CDK14: variants seen among roughly 807,000 people sequenced by gnomAD.
CDK14 encodes cyclin-dependent kinase 14.
In CDK14, 34 loss-of-function variants were observed where a neutral mutation model predicts 60.7. The observed-to-expected ratio is 0.56, with a 90% CI of 0.43 to 0.75. CDK14 has a LOEUF of 0.75. CDK14 is among the 30% of genes least tolerant of loss of function. The pLI is 0.00. For synonymous variants in CDK14, 197 were observed against 203.7 expected (o/e 0.97, Z 0.28); for missense variants, 482 against 564.1 (o/e 0.85, Z 1.47).
intron 14 of CDK14, among the ~76,000 whole-genome samples, chr7:91,119,230 C>T (rs1799709870): frequency 6.6e-6 from 1 of 152,094 alleles, no homozygotes; most frequent in Admixed American, 6.5e-5. Context: ...CCTGTAATCC[C>T]AGCACTTTGG....
chr7:90,940,040 T>C (rs922045422), intron 8 of CDK14, among the ~76,000 whole-genome samples: 6 of 152,192 alleles, frequency 3.9e-5, no homozygotes, highest in Non-Finnish European at 8.8e-5. Flanking sequence ...TGCCCAGGGC[T>C]GTGTGAGGAC....
intron 5 of CDK14, among the ~76,000 whole-genome samples, chr7:90,845,566 A>G (rs1790441037): frequency 6.6e-6 from 1 of 151,812 alleles, no homozygotes; most frequent in Non-Finnish European, 1.5e-5. Flanking sequence ...GTTTACATGT[A>G]TGGCATATAG....
intron 10 of CDK14, among the ~76,000 whole-genome samples, chr7:91,041,156 C>T (rs771202824): frequency 5.4e-5 from 8 of 147,302 alleles, no homozygotes; most frequent in South Asian, 2.2e-4. Context: ...TAGACCTCCA[C>T]GGATAAGATG....
intron 4 of CDK14, among the ~76,000 whole-genome samples, chr7:90,788,337 C>T (rs75699642): frequency 0.017 from 2,652 of 152,236 alleles, 24 homozygotes; most frequent in Middle Eastern, 0.031. Flanking sequence ...AGTGCTTAGT[C>T]CTAAAAGATG....
At chr7:91,175,430 C>A (rs1370449269) in intron 14 of CDK14, among the ~76,000 whole-genome samples, 12 of 151,656 alleles carry the variant, frequency 7.9e-5, no homozygotes, top group African/African-American at 2.7e-4. Context: ...CTAACATCAT[C>A]ATGACAGGAT....
intron 10 of CDK14, among the ~76,000 whole-genome samples, chr7:91,011,465 G>A (rs1021883628): frequency 4.6e-5 from 7 of 152,074 alleles, no homozygotes; most frequent in Non-Finnish European, 1.5e-5. Flanking sequence ...GTAAGTTTCT[G>A]GATGTTACTG....
intron 2 of CDK14, among the ~76,000 whole-genome samples, chr7:90,646,300 C>CTT (rs56994508): frequency 2.8e-5 from 4 of 143,254 alleles, no homozygotes; most frequent in African/African-American, 7.7e-5. Flanking sequence ...GTATGAAGGA[C>CTT]TTTTTTTTTT....
chr7:91,117,320 T>C (rs138797336), intron 13 of CDK14, among the ~76,000 whole-genome samples: 18 of 152,008 alleles, frequency 1.2e-4, no homozygotes, highest in African/African-American at 2.9e-4. Context: ...ACTTCACTGC[T>C]ATCACGCTGC....
chr7:90,911,676 C>T (rs1035012437), intron 7 of CDK14, among the ~76,000 whole-genome samples: 2 of 152,078 alleles, frequency 1.3e-5, no homozygotes, highest in African/African-American at 4.8e-5. Flanking sequence ...AGCATCTGAC[C>T]TCACCTATTT....
chr7:91,148,392 A>T (rs1167693466), intron 14 of CDK14, among the ~76,000 whole-genome samples: 2 of 152,300 alleles, frequency 1.3e-5, no homozygotes, highest in East Asian at 3.9e-4. Context: ...GGAATTTGCA[A>T]ATAGATAATG....
chr7:90,846,543 A>G (rs112887861), intron 5 of CDK14, among the ~76,000 whole-genome samples: 114 of 152,322 alleles, frequency 7.5e-4, no homozygotes, highest in African/African-American at 2.5e-3. Context: ...CACACTAAGC[A>G]GTACCCCAGA....
Position 90,751,901 on chromosome 7 carries a change from T to G in CDK14, c.464+4126T>G, listed in dbSNP as rs182640330. On this transcript the variant is annotated intron_variant, in intron 4 of 14. Transcript: ENST00000380050. ...TATTTTTATATCAGATAAAACAGAC[T>G]TTAAGCCAACAACAATAAAAAAGGA... Among the ~76,000 whole-genome samples, 11 of 152,270 alleles carry G rather than the reference T, an allele frequency of 7.2e-5. No homozygotes were observed. The East Asian group carries it at 2.1e-3, about 29-fold the overall frequency.
intron 3 of CDK14, among the ~76,000 whole-genome samples, chr7:90,736,963 A>G (rs779493847): frequency 2.0e-5 from 3 of 152,180 alleles, no homozygotes; most frequent in Non-Finnish European, 2.9e-5. Flanking sequence ...TGGCACTTTA[A>G]AATTCACGCA....
intron 14 of CDK14, among the ~76,000 whole-genome samples, chr7:91,146,939 A>G (rs1002146564): frequency 2.6e-5 from 4 of 152,102 alleles, no homozygotes; most frequent in Admixed American, 6.5e-5. Flanking sequence ...AGAATATTCT[A>G]TTTCTACAAT....
rs577752991 is a variant in CDK14, at chr7:90,729,584, A to G, written c.369+2772A>G. Among the ~76,000 whole-genome samples the G allele has an allele frequency of 3.3e-5, 5 of 151,080 alleles. No homozygotes were observed. In the East Asian group the frequency reaches 9.8e-4, roughly 29 times the overall value. On this transcript the variant is annotated intron_variant, in intron 3 of 14. Transcript: ENST00000380050. ...CACTGGAAGTTTTCACAGTTTCTCT[A>G]TTGTATTTTTTAGTTTCTTTAGATC...
At chr7:90,838,169 T>C (rs968087318) in intron 5 of CDK14, among the ~76,000 whole-genome samples, 2 of 152,186 alleles carry the variant, frequency 1.3e-5, no homozygotes, top group African/African-American at 4.8e-5. Context: ...ATTAATACTT[T>C]TATAATTTCT....
chr7:90,815,548 C>G (rs926033395), intron 5 of CDK14, among the ~76,000 whole-genome samples: 2 of 152,066 alleles, frequency 1.3e-5, no homozygotes, highest in Non-Finnish European at 2.9e-5. Context: ...AACATTTGAC[C>G]CAGCAGTCCC....
chr7:91,129,607 A>G (rs928799656), intron 14 of CDK14, among the ~76,000 whole-genome samples: 7 of 152,160 alleles, frequency 4.6e-5, no homozygotes, highest in African/African-American at 7.2e-5. Flanking sequence ...AGGAAAAACT[A>G]TGGTTATTCA....
chr7:90,694,623 T>G (rs1462804772), intron 2 of CDK14, among the ~76,000 whole-genome samples: 2 of 152,246 alleles, frequency 1.3e-5, no homozygotes, highest in Non-Finnish European at 2.9e-5. Context: ...GAATTTTCTT[T>G]TTGAATATTT....
Sources: gnomAD v4.1 joint callset for allele counts (sites outside exome capture counted in the v4.1 genomes callset) on GRCh38, gnomAD v4.1.1 for gene constraint, MANE v1.5 for transcripts, NCBI Gene and HGNC (gene_info 2026-07-23, HGNC 2026-07-21) for gene names.